NFASC: variants seen among roughly 807,000 people sequenced by gnomAD.
NFASC encodes the protein neurofascin homolog.
A neutral mutation model predicts 147.5 loss-of-function variants in NFASC; 43 were observed. The ratio of observed to expected loss-of-function variants is 0.29; its 90% CI spans 0.23 to 0.38. NFASC has a LOEUF of 0.38. Among genes scored for constraint, NFASC ranks in the 10% least tolerant of loss-of-function variants. The probability of loss-of-function intolerance (pLI) is 1.00; values close to 1 mark genes in which losing one functional copy is unlikely to be tolerated. For synonymous variants in NFASC, 622 were observed against 665.5 expected, an observed-to-expected ratio of 0.93 and a Z score of 1.01; for missense variants, 1,320 against 1,689.0, an observed-to-expected ratio of 0.78 and a Z score of 3.83.
chr1:204,979,535 G>C lies in NFASC; in HGVS notation c.2152G>C (p.Glu718Gln). 1 of 1,613,646 alleles carries C rather than the reference G, an allele frequency of 6.2e-7. No homozygotes were observed. The highest frequency in any genetic ancestry group is 8.5e-7 in the Non-Finnish European group (1 of 1,179,988). Reference protein sequence around the residue: ...VGSSHPSLPSERYRTSGAPPE... With the variant: ...VGSSHPSLPSQRYRTSGAPPE... The stretch of plus-strand genomic sequence containing the variant: ...GAGCAGCCACCCCAGCCTCCCATCC[G>C]AGCGCTACCGAACCAGTGGAGCACG... Residue 718 changes from glutamate to glutamine, a missense_variant, in exon 19 of 30, where the codon GAG (glutamate) becomes CAG (glutamine). Glu to Gln is a conservative substitution (Grantham distance 29, BLOSUM62 2). Transcript: ENST00000339876. This position sits in a 1 kb window ranked among gnomAD's most constrained non-coding sequence, Gnocchi z 6.0.
intron 25 of NFASC, chr1:205,000,855 C>A: frequency 5.5e-6 from 2 of 363,440 alleles, no homozygotes; most frequent in Non-Finnish European, 1.0e-5. Flanking sequence ...AACAAAAAAA[C>A]TCTTTCATTC....
intron 1 of NFASC, among the ~76,000 whole-genome samples, chr1:204,841,130 G>A (rs1007534270): frequency 8.5e-5 from 13 of 152,196 alleles, no homozygotes; most frequent in African/African-American, 3.1e-4. Flanking sequence ...AAGGCTATGG[G>A]ACATGCAATT....
intron 25 of NFASC, 169 bp downstream of exon 25, chr1:204,997,575 C>G: frequency 2.6e-6 from 2 of 763,996 alleles, no homozygotes; most frequent in South Asian, 1.6e-5. Context: ...TGCTCAGTCC[C>G]GTAGCCTGGA....
chr1:204,963,003 G>T (rs181761615), intron 8 of NFASC, among the ~76,000 whole-genome samples: 15 of 152,306 alleles, frequency 9.8e-5, no homozygotes, highest in African/African-American at 3.6e-4. Flanking sequence ...GCTGGCTCTG[G>T]TGAGGCAGCT....
intron 1 of NFASC, among the ~76,000 whole-genome samples, chr1:204,919,930 C>T (rs1465813740): frequency 6.6e-6 from 1 of 152,152 alleles, no homozygotes; most frequent in Non-Finnish European, 1.5e-5. Context: ...CCTGCAGACA[C>T]ATTCTAATGT....
intron 2 of NFASC, among the ~76,000 whole-genome samples, chr1:204,924,994 G>A (rs935100657): frequency 2.8e-4 from 43 of 152,216 alleles, no homozygotes; most frequent in Non-Finnish European, 6.3e-4. Context: ...TCCGGCCTCA[G>A]CCTCTCGTGT....
chr1:204,906,751 CGGCTCACTGCAAGCTCCGCCTCCCG>C (rs59712548), intron 1 of NFASC, among the ~76,000 whole-genome samples: 56,079 of 148,128 alleles, frequency 0.38, 10,638 homozygotes, highest in African/African-American at 0.43. Context: ...GGCGCGATCT[CGGCTCACTGCAAGCTCCGCCTCCCG>C]GGCTCATGCC....
At chr1:204,946,963 C>T in intron 3 of NFASC, 1 of 361,580 alleles carries the variant, frequency 2.8e-6, no homozygotes, top group Non-Finnish European at 5.5e-6. Context: ...ATCTGAAGCC[C>T]ACAAGAAAGT....
intron 1 of NFASC, among the ~76,000 whole-genome samples, chr1:204,903,975 G>A (rs989183148): frequency 6.6e-6 from 1 of 152,210 alleles, no homozygotes; most frequent in African/African-American, 2.4e-5. Flanking sequence ...TAAAAGGAGT[G>A]TAGACTTGGG....
At chr1:204,983,361 C>T (rs1391921787) in intron 21 of NFASC, among the ~76,000 whole-genome samples, 1 of 152,084 alleles carries the variant, frequency 6.6e-6, no homozygotes, top group Non-Finnish European at 1.5e-5. Flanking sequence ...GATGCATTCT[C>T]AAAAGGAACT....
At chr1:204,916,325 A>G (rs1407873449) in intron 1 of NFASC, among the ~76,000 whole-genome samples, 1 of 152,124 alleles carries the variant, frequency 6.6e-6, no homozygotes, top group African/African-American at 2.4e-5. Context: ...TCTAAGTTTC[A>G]CTTTTAACTA....
chr1:204,979,431 G>C lies in NFASC; in HGVS notation c.2048G>C (p.Gly683Ala), dbSNP rs1279123444. Residue 683 changes from glycine (G) to alanine (A), a missense_variant, in exon 19 of 30, where the codon GGC becomes GCC. Transcript: ENST00000339876. This position sits in a 1 kb window ranked among gnomAD's most constrained non-coding sequence, Gnocchi z 6.0. ...TGGCATGACCATTCCAAGTACCCCGGCAGCGTTAACTCAGCCGTCCTCCGG... is the reference window on the plus strand; with the variant it reads ...TGGCATGACCATTCCAAGTACCCCGCCAGCGTTAACTCAGCCGTCCTCCGG... The part of the protein sequence containing the change: ...GVWHDHSKYP[G>A]SVNSAVLRLS... 1 of 1,613,968 alleles carries C rather than the reference G, an allele frequency of 6.2e-7. No homozygotes were observed. The highest frequency in any genetic ancestry group is 8.5e-7 in the Non-Finnish European group (1 of 1,180,038).
At chr1:204,871,063 G>T in intron 1 of NFASC, 3 of 1,289,836 alleles carry the variant, frequency 2.3e-6, no homozygotes, top group Non-Finnish European at 3.0e-6. Context: ...GGCTCCTTCA[G>T]GAGAGAGGTA....
intron 3 of NFASC, 67 bp from the exon 4 acceptor site, chr1:204,950,490 G>A (rs1280988075): frequency 1.4e-6 from 2 of 1,474,240 alleles, no homozygotes; most frequent in African/African-American, 2.8e-5. Context: ...AGGATGCCTG[G>A]GCGGTTGTGT....
intron 2 of NFASC, among the ~76,000 whole-genome samples, chr1:204,922,720 T>C (rs1420731307): frequency 6.6e-6 from 1 of 152,086 alleles, no homozygotes; most frequent in Non-Finnish European, 1.5e-5. Flanking sequence ...CCACAAATCA[T>C]GAAGGGGGAG....
chr1:204,847,480 G>A (rs2075283279), intron 1 of NFASC, among the ~76,000 whole-genome samples: 1 of 152,182 alleles, frequency 6.6e-6, no homozygotes, highest in Non-Finnish European at 1.5e-5. Flanking sequence ...GGCTGCCTAT[G>A]TGAGACAGTG....
chr1:204,997,471 A>C (rs1231911569), intron 25 of NFASC, 65 bp downstream of exon 25: 1 of 1,529,378 alleles, frequency 6.5e-7, no homozygotes, highest in Non-Finnish European at 8.9e-7. Flanking sequence ...CTCCAGACGA[A>C]CCCACAGGCT....
chr1:204,958,906 G>T (rs373308926), intron 8 of NFASC, among the ~76,000 whole-genome samples: 1 of 152,048 alleles, frequency 6.6e-6, no homozygotes, highest in Admixed American at 6.6e-5. Context: ...ACAGGTAGGG[G>T]GTGTGACCAT....
chr1:204,967,014 G>A lies in NFASC; in HGVS notation c.707-1235G>A, dbSNP rs1287158842. On this transcript the variant is annotated intron_variant, in intron 8 of 29. Coordinates refer to ENST00000339876, the MANE Select transcript of NFASC (RefSeq NM_001005388.3). ...AGTTACATCTGGATAAAGTTCCCCC[G>A]CACTCTCTCCTCACGCTACCAGCAC... is the stretch of plus-strand genomic sequence containing the variant. 2.0e-5 allele frequency among the ~76,000 whole-genome samples: 3 copies of A among 151,964 alleles called. No individual in the cohort carries two copies. The East Asian group carries it at 5.8e-4, about 29-fold the overall frequency.
Sources: gnomAD v4.1 joint callset for allele counts (sites outside exome capture counted in the v4.1 genomes callset) on GRCh38, gnomAD v4.1.1 for gene constraint, Gnocchi (gnomAD v3.1) non-coding constraint, MANE v1.5 for transcripts, NCBI Gene and HGNC (gene_info 2026-07-23, HGNC 2026-07-21) for gene names.